Variants in CSMD1 observed in about 807,000 individuals in gnomAD.
CSMD1 encodes the protein CUB and sushi domain-containing protein 1.
CSMD1 carries 213 observed loss-of-function variants against 417.5 expected under a neutral mutation model. The observed-to-expected ratio is 0.51, with a 90% CI of 0.46 to 0.57. The LOEUF (loss-of-function observed/expected upper bound fraction) is 0.57. CSMD1 is among the 20% of genes least tolerant of loss of function. CSMD1 has a pLI of 0.00. For missense variants in CSMD1, 6,923 were observed against 4,529.7 expected, an observed-to-expected ratio of 1.53 and a Z score of -15.17; for synonymous variants, 2,862 against 1,736.8, an observed-to-expected ratio of 1.65 and a Z score of -16.11.
At chr8:4,974,058 T>C (rs1470202092) in intron 1 of CSMD1, among the ~76,000 whole-genome samples, 2 of 152,346 alleles carry the variant, frequency 1.3e-5, no homozygotes, top group East Asian at 3.9e-4. Flanking sequence ...TCTCACCCTG[T>C]TGCCCAGGCT....
At chr8:3,898,878 C>A (rs1160120273) in intron 5 of CSMD1, among the ~76,000 whole-genome samples, 1 of 152,112 alleles carries the variant, frequency 6.6e-6, no homozygotes, top group African/African-American at 2.4e-5. Context: ...CTCTGTTGGT[C>A]CCCTTAGGGG....
At chr8:3,301,047 C>G (rs1426510856) in intron 25 of CSMD1, among the ~76,000 whole-genome samples, 1 of 151,118 alleles carries the variant, frequency 6.6e-6, no homozygotes, top group African/African-American at 2.4e-5. Context: ...GGTACATGTC[C>G]ACACCACACA....
intron 8 of CSMD1, among the ~76,000 whole-genome samples, chr8:3,609,005 C>T (rs1032842612): frequency 1.3e-5 from 2 of 152,144 alleles, no homozygotes; most frequent in Non-Finnish European, 2.9e-5. Context: ...CCGCACACTA[C>T]ACACCCCTTT....
At chr8:3,684,280 TTA>T (rs902348988) in intron 7 of CSMD1, among the ~76,000 whole-genome samples, 25 of 144,406 alleles carry the variant, frequency 1.7e-4, no homozygotes, top group Non-Finnish European at 3.3e-4. Context: ...ATGTTATATA[TTA>T]TATATAATAT....
rs1273087570 is a variant in CSMD1, at chr8:3,409,548, C to T, written c.1619G>A (p.Gly540Asp). Reference protein sequence around the residue: ...PGIPAYGKRTGSSFLHGDTLT... With the variant: ...PGIPAYGKRTDSSFLHGDTLT... Reference sequence around the variant, plus strand: ...TGTATCTCCATGGAGGAAACTGCTGCCCGTCCGCTTCCCATAGGCGGGGAT... The same window carrying T: ...TGTATCTCCATGGAGGAAACTGCTGTCCGTCCGCTTCCCATAGGCGGGGAT... The change falls in exon 13 of 70, where the codon GGC becomes GAC. Residue 540 changes from glycine (G) to aspartate (D), a missense_variant. By Grantham distance (94) the Gly-to-Asp change is moderately conservative (BLOSUM62 -1). Transcript: ENST00000635120. 2.5e-6 allele frequency: 4 copies of T among 1,610,946 alleles called. No individual in the cohort carries two copies. Among genetic ancestry groups the T allele is most frequent in the Non-Finnish European group, 3.4e-6 (4 of 1,178,596 alleles).
intron 3 of CSMD1, among the ~76,000 whole-genome samples, chr8:4,047,852 G>C (rs1585202861): frequency 1.3e-5 from 2 of 152,138 alleles, no homozygotes; most frequent in South Asian, 2.1e-4. Context: ...ATATGAAGTA[G>C]AGGATCAGAT....
At chr8:3,498,085 TTTC>T (rs138540518) in intron 10 of CSMD1, among the ~76,000 whole-genome samples, 7,724 of 152,286 alleles carry the variant, frequency 0.051, 207 homozygotes, top group Middle Eastern at 0.071. Flanking sequence ...TTGGCTGACA[TTTC>T]TTCTTCTTTT....
chr8:3,496,333 C>T (rs1425599894), intron 10 of CSMD1, among the ~76,000 whole-genome samples: 1 of 152,110 alleles, frequency 6.6e-6, no homozygotes, highest in Non-Finnish European at 1.5e-5. Context: ...TTCTGCCTGC[C>T]CTGCAGAGCT....
intron 3 of CSMD1, among the ~76,000 whole-genome samples, chr8:4,374,799 G>A (rs1027698711): frequency 6.6e-6 from 1 of 152,094 alleles, no homozygotes; most frequent in African/African-American, 2.4e-5. Context: ...TGGCCCAGGA[G>A]AGGATGGCAG....
intron 1 of CSMD1, among the ~76,000 whole-genome samples, chr8:4,876,627 G>A (rs563364763): frequency 1.4e-4 from 21 of 152,130 alleles, no homozygotes; most frequent in Admixed American, 8.5e-4. Flanking sequence ...GTTCACAATA[G>A]GTTATTTAGG....
At position 3,406,049 on chromosome 8, in the gene CSMD1, G is replaced by C; in HGVS notation, c.2244C>G (p.Ser748Arg). The stretch of plus-strand genomic sequence containing the variant: ...CACCTTCACAGCGGGGCACGGTGGA[G>C]CTCCAGACCACGTTCCCGTCTTGCA... ...CILQDGNVVW[S>R]STVPRCEAPC... The change falls in exon 15 of 70, where the codon AGC becomes AGG. Residue 748 changes from serine to arginine, a missense_variant. Ser to Arg is a moderately radical substitution (Grantham distance 110). Coordinates refer to ENST00000635120, the MANE Select transcript of CSMD1 (RefSeq NM_033225.6). 6.2e-7 allele frequency: 1 copy of C among 1,613,890 alleles called. No homozygotes were observed. The highest frequency in any genetic ancestry group is 8.5e-7 in the Non-Finnish European group (1 of 1,179,846).
At chr8:4,542,047 G>A (rs1018736154) in intron 2 of CSMD1, among the ~76,000 whole-genome samples, 1 of 152,108 alleles carries the variant, frequency 6.6e-6, no homozygotes, top group Non-Finnish European at 1.5e-5. Flanking sequence ...AGAGCCTGAA[G>A]TCCCCGTGTG....
At chr8:3,683,489 C>T (rs1399156518) in intron 7 of CSMD1, among the ~76,000 whole-genome samples, 5 of 152,132 alleles carry the variant, frequency 3.3e-5, no homozygotes, top group Admixed American at 6.6e-5. Flanking sequence ...TCATAGGTAC[C>T]TGTCAGCCCT....
At chr8:4,621,360 C>A (rs2616980) in intron 2 of CSMD1, among the ~76,000 whole-genome samples, 53,685 of 151,810 alleles carry the variant, frequency 0.35, 10,321 homozygotes, top group African/African-American at 0.51. Flanking sequence ...TGGCACGAAA[C>A]AATTTTGGAT....
Position 4,261,504 on chromosome 8 carries a change from C to T in CSMD1, c.415+158449G>A, listed in dbSNP as rs145994549. On this transcript the variant is annotated intron_variant, in intron 3 of 69. Coordinates refer to ENST00000635120, the MANE Select transcript of CSMD1 (RefSeq NM_033225.6). ...CTAATGTACAGCATGGTTACTTTAGCTAGTAATACTGTTATTATATACTTG... is the reference window on the plus strand; with the variant it reads ...CTAATGTACAGCATGGTTACTTTAGTTAGTAATACTGTTATTATATACTTG... Among the ~76,000 whole-genome samples, 872 of 152,220 alleles carry T rather than the reference C, an allele frequency of 5.7e-3. 8 individuals are homozygous for T. Among genetic ancestry groups the T allele is most frequent in the African/African-American group, 0.02 (835 of 41,542 alleles).
intron 2 of CSMD1, among the ~76,000 whole-genome samples, chr8:4,611,839 C>G (rs1801191271): frequency 1.3e-5 from 2 of 152,102 alleles, no homozygotes; most frequent in Admixed American, 1.3e-4. Flanking sequence ...AATGGTAATT[C>G]CTCACCAGGG....
chr8:4,551,192 T>C (rs775722318), intron 2 of CSMD1, among the ~76,000 whole-genome samples: 8 of 152,252 alleles, frequency 5.3e-5, no homozygotes, highest in Admixed American at 2.0e-4. Context: ...AGCTCAGAAA[T>C]GTCCACCAGC....
chr8:3,166,549 A>G (rs1820229075), intron 37 of CSMD1, among the ~76,000 whole-genome samples: 1 of 152,180 alleles, frequency 6.6e-6, no homozygotes, highest in Non-Finnish European at 1.5e-5. Context: ...AATAAAATAA[A>G]AAATAAAAAG....
At chr8:4,339,052 G>T (rs117852382) in intron 3 of CSMD1, among the ~76,000 whole-genome samples, 1 of 152,116 alleles carries the variant, frequency 6.6e-6, no homozygotes, top group Non-Finnish European at 1.5e-5. Flanking sequence ...CAAATCTACC[G>T]GGAACTATTG....
Sources: allele counts gnomAD v4.1 joint callset (sites outside exome capture counted in the v4.1 genomes callset), GRCh38; gene constraint gnomAD v4.1.1; transcripts MANE v1.5; gene names NCBI Gene and HGNC (gene_info 2026-07-23, HGNC 2026-07-21).